Variants in TP53BP1 observed in about 807,000 individuals in gnomAD.
The protein encoded by TP53BP1 is tumor protein p53 binding protein 1, also known as TP53-binding protein 1.
A neutral mutation model predicts 200.8 loss-of-function variants in TP53BP1; 61 were observed. The ratio of observed to expected loss-of-function variants is 0.30; its 90% confidence interval spans 0.25 to 0.38. TP53BP1 has a LOEUF of 0.38. TP53BP1 is among the 10% of genes least tolerant of loss of function. TP53BP1 has a pLI of 1.00. For missense variants in TP53BP1, 2,144 were observed against 2,371.9 expected (o/e 0.90, Z 2.00); for synonymous variants, 822 against 844.3 (o/e 0.97, Z 0.46).
intron 17 of TP53BP1, among the ~76,000 whole-genome samples, chr15:43,428,573 C>CT: frequency 6.6e-6 from 1 of 152,288 alleles, no homozygotes; most frequent in Middle Eastern, 3.4e-3. Flanking sequence ...GGAAGGCACT[C>CT]TTTAGTCCTT....
chr15:43,463,310 A>T (rs754875853), intron 11 of TP53BP1, among the ~76,000 whole-genome samples: 1 of 152,150 alleles, frequency 6.6e-6, no homozygotes, highest in Non-Finnish European at 1.5e-5. Context: ...GGAAAGAAAG[A>T]AAAAAATAGA....
At chr15:43,465,174 T>C (rs941707091) in intron 11 of TP53BP1, among the ~76,000 whole-genome samples, 1 of 151,928 alleles carries the variant, frequency 6.6e-6, no homozygotes, top group African/African-American at 2.4e-5. Flanking sequence ...TTTCCATTTG[T>C]AGACTGGTGT....
At chr15:43,471,476 C>T (rs577059851) in intron 10 of TP53BP1, among the ~76,000 whole-genome samples, 20 of 151,834 alleles carry the variant, frequency 1.3e-4, no homozygotes, top group South Asian at 4.2e-4. Flanking sequence ...GTCCAGGCTG[C>T]GACGCAGTGG....
At chr15:43,476,625 A>C (rs2078886751) in intron 8 of TP53BP1, among the ~76,000 whole-genome samples, 1 of 152,226 alleles carries the variant, frequency 6.6e-6, no homozygotes, top group Non-Finnish European at 1.5e-5. Flanking sequence ...TCTTAAATAA[A>C]ACCTTACAAC....
chr15:43,441,715 G>T (rs2045929046), intron 14 of TP53BP1, 132 bp from the exon 15 acceptor site: 2 of 639,062 alleles, frequency 3.1e-6, no homozygotes, highest in African/African-American at 1.8e-5. Context: ...AGTAAAACTA[G>T]TAAGTATAAA....
chr15:43,463,376 T>C (rs1241007619), intron 11 of TP53BP1, among the ~76,000 whole-genome samples: 1 of 152,150 alleles, frequency 6.6e-6, no homozygotes, highest in Non-Finnish European at 1.5e-5. Context: ...TTTACACATA[T>C]TTAAATCTTA....
intron 23 of TP53BP1, chr15:43,414,040 A>G (rs946494586): frequency 6.7e-6 from 3 of 446,540 alleles, no homozygotes; most frequent in African/African-American, 2.1e-5. Flanking sequence ...GAGAAAAAAA[A>G]CAGATACCTG....
intron 11 of TP53BP1, among the ~76,000 whole-genome samples, chr15:43,461,051 G>A (rs1183690581): frequency 6.6e-6 from 1 of 150,636 alleles, no homozygotes; most frequent in African/African-American, 2.4e-5. Context: ...TGGCAATTTA[G>A]CAAAACACAA....
intron 24 of TP53BP1, among the ~76,000 whole-genome samples, chr15:43,412,383 T>C (rs1485923494): frequency 6.6e-6 from 1 of 152,222 alleles, no homozygotes; most frequent in African/African-American, 2.4e-5. Flanking sequence ...TCTGGACCTT[T>C]AGCCTTTACA....
intron 4 of TP53BP1, among the ~76,000 whole-genome samples, chr15:43,489,923 T>C (rs890195459): frequency 1.3e-5 from 2 of 152,090 alleles, no homozygotes; most frequent in Non-Finnish European, 2.9e-5. Context: ...AAAAAAGCTT[T>C]TCTTTTTGAG....
intron 12 of TP53BP1, 26 bp from the exon 13 acceptor site, chr15:43,447,511 A>T: frequency 6.8e-7 from 1 of 1,463,210 alleles, no homozygotes; most frequent in Non-Finnish European, 9.1e-7. Flanking sequence ...AAAAGAAAAA[A>T]GAAAGAAAGA....
At chr15:43,419,909 G>C (rs902073941) in intron 21 of TP53BP1, among the ~76,000 whole-genome samples, 1 of 152,134 alleles carries the variant, frequency 6.6e-6, no homozygotes, top group Non-Finnish European at 1.5e-5. Context: ...GGACATGATG[G>C]AAAAGCTAGT....
chr15:43,463,421 A>G (rs929952365), intron 11 of TP53BP1, among the ~76,000 whole-genome samples: 2 of 152,354 alleles, frequency 1.3e-5, no homozygotes, highest in African/African-American at 4.8e-5. Flanking sequence ...GACTCCAGTA[A>G]CCAAGGTACA....
chr15:43,476,815 T>C (rs181849337), intron 8 of TP53BP1, among the ~76,000 whole-genome samples: 183 of 152,308 alleles, frequency 1.2e-3, no homozygotes, highest in African/African-American at 3.6e-3. Context: ...GAATGAAAGA[T>C]TGGTGGAGGT....
chr15:43,424,291 ACTTTCTTAAAACTAT>A lies in TP53BP1; in HGVS notation c.3829-2180_3829-2166del, dbSNP rs553827232. ...CTCTCCTTCAAAACCACTATTTGCC[ACTTTCTTAAAACTAT>A]CTTCACCCCTTCCCTAGTTGTTATC... On this transcript the variant is annotated intron_variant, in intron 18 of 27. Coordinates refer to ENST00000382044, the MANE Select transcript of TP53BP1 (RefSeq NM_001141980.3). Among the ~76,000 whole-genome samples, 418 of 152,252 alleles carry A rather than the reference ACTTTCTTAAAACTAT, an allele frequency of 2.7e-3. 1 individual carries two copies. Among genetic ancestry groups the A allele is most frequent in the Non-Finnish European group, 3.7e-3 (252 of 68,004 alleles).
chr15:43,441,215 T>C (rs1387657481), intron 15 of TP53BP1: 4 of 239,566 alleles, frequency 1.7e-5, no homozygotes, highest in East Asian at 8.8e-5. Context: ...TTCTCATCAA[T>C]TGGATCAACA....
intron 11 of TP53BP1, among the ~76,000 whole-genome samples, chr15:43,469,436 C>T (rs754655671): frequency 6.6e-6 from 1 of 151,962 alleles, no homozygotes; most frequent in Non-Finnish European, 1.5e-5. Context: ...GCTATATAAA[C>T]ACCTTTTTTA....
intron 11 of TP53BP1, among the ~76,000 whole-genome samples, chr15:43,459,477 G>A (rs1250160973): frequency 6.6e-6 from 1 of 151,986 alleles, no homozygotes; most frequent in Non-Finnish European, 1.5e-5. Context: ...AGAACCAAAT[G>A]TCCTATCAAT....
rs542984514 is a variant in TP53BP1 at position 43,445,008 on chromosome 15, T to C, written c.3040+1379A>G. 3.3e-5 allele frequency among the ~76,000 whole-genome samples: 5 copies of C among 152,292 alleles called. No homozygotes were observed. In the South Asian group the frequency reaches 8.3e-4, roughly 25 times the overall value. On this transcript the variant is annotated intron_variant, in intron 14 of 27. Coordinates refer to ENST00000382044, the MANE Select transcript of TP53BP1 (RefSeq NM_001141980.3). ...AACTCCCGCAAGCTTAGTGTTCCAA[T>C]AGTGGAACACTAGGCATAAATGGGT... is the stretch of plus-strand genomic sequence containing the variant.
Sources: gnomAD v4.1 joint callset for allele counts (sites outside exome capture counted in the v4.1 genomes callset) on GRCh38, gnomAD v4.1.1 for gene constraint, MANE v1.5 for transcripts, NCBI Gene and HGNC (gene_info 2026-07-23, HGNC 2026-07-21) for gene names.